The following NTN4 variants were observed in gnomAD, a reference collection of about 807,000 sequenced individuals.
NTN4 encodes the protein netrin 4.
NTN4 carries 32 observed loss-of-function variants against 73.6 expected under a neutral mutation model. The observed-to-expected ratio is 0.44, with a 90% CI of 0.33 to 0.58. The LOEUF is 0.58. Among genes scored for constraint, NTN4 ranks in the 20% least tolerant of loss-of-function variants. The pLI is 0.04. For missense variants in NTN4, 654 were observed against 798.3 expected, an observed-to-expected ratio of 0.82 and a Z score of 2.18; for synonymous variants, 258 against 287.5, an observed-to-expected ratio of 0.90 and a Z score of 1.04.
chr12:95,742,638 T>C (rs966753249), intron 2 of NTN4, among the ~76,000 whole-genome samples: 1 of 152,216 alleles, frequency 6.6e-6, no homozygotes, highest in Non-Finnish European at 1.5e-5. Flanking sequence ...TTCAAGGCCG[T>C]CCTGTGGACT....
chr12:95,718,035 G>T (rs1333344021), intron 3 of NTN4, among the ~76,000 whole-genome samples: 1 of 152,126 alleles, frequency 6.6e-6, no homozygotes, highest in Non-Finnish European at 1.5e-5. Context: ...TATCTTACAG[G>T]AAGGGACTCA....
intron 5 of NTN4, among the ~76,000 whole-genome samples, chr12:95,693,406 CTGTTA>C (rs2078416297): frequency 6.6e-6 from 1 of 151,788 alleles, no homozygotes; most frequent in Admixed American, 6.6e-5. Context: ...AGTTACTCTC[CTGTTA>C]TATGTTCCTT....
At chr12:95,723,948 T>C (rs1422498997) in intron 3 of NTN4, among the ~76,000 whole-genome samples, 1 of 152,230 alleles carries the variant, frequency 6.6e-6, no homozygotes, top group Non-Finnish European at 1.5e-5. Context: ...TATATATATA[T>C]GAGAGTCATG....
intron 2 of NTN4, among the ~76,000 whole-genome samples, chr12:95,762,781 G>A (rs956580198): frequency 6.6e-6 from 1 of 152,168 alleles, no homozygotes; most frequent in African/African-American, 2.4e-5. Context: ...AATTTTTCAG[G>A]ATGTTTAAGC....
intron 3 of NTN4, among the ~76,000 whole-genome samples, chr12:95,731,882 C>T (rs1044515845): frequency 4.6e-5 from 7 of 152,066 alleles, no homozygotes; most frequent in African/African-American, 7.2e-5. Context: ...GTCTCGGTTT[C>T]GCATCTGTGA....
At chr12:95,737,287 C>T (rs2078785273) in intron 3 of NTN4, among the ~76,000 whole-genome samples, 1 of 152,188 alleles carries the variant, frequency 6.6e-6, no homozygotes, top group South Asian at 2.1e-4. Flanking sequence ...AAAGATCATA[C>T]AGTTCCTCAG....
At chr12:95,684,624 G>A (rs2078347637) in intron 5 of NTN4, among the ~76,000 whole-genome samples, 2 of 151,770 alleles carry the variant, frequency 1.3e-5, no homozygotes, top group African/African-American at 4.8e-5. Flanking sequence ...TTTAATACTA[G>A]TCAAAAGTCC....
At chr12:95,735,890 TGA>T (rs1259987947) in intron 3 of NTN4, among the ~76,000 whole-genome samples, 4 of 149,662 alleles carry the variant, frequency 2.7e-5, no homozygotes, top group African/African-American at 9.8e-5. Context: ...TGCCTGCTCA[TGA>T]TTTTTTTTAA....
intron 5 of NTN4, among the ~76,000 whole-genome samples, chr12:95,688,920 G>A (rs530920572): frequency 1.3e-5 from 2 of 152,256 alleles, no homozygotes; most frequent in East Asian, 3.9e-4. Context: ...TGTGAGAACA[G>A]AAGCTGGAGA....
intron 2 of NTN4, among the ~76,000 whole-genome samples, chr12:95,754,300 C>G (rs2078931849): frequency 7.5e-6 from 1 of 134,028 alleles, no homozygotes. Flanking sequence ...AGCTTAATCT[C>G]TCCCACTCTA....
At chr12:95,695,483 G>C (rs1326168062) in intron 5 of NTN4, among the ~76,000 whole-genome samples, 4 of 152,054 alleles carry the variant, frequency 2.6e-5, no homozygotes, top group Non-Finnish European at 5.9e-5. Flanking sequence ...TCCTGCCTCA[G>C]CCTCCTGAGT....
intron 5 of NTN4, among the ~76,000 whole-genome samples, chr12:95,692,306 G>A (rs1447560187): frequency 2.6e-5 from 4 of 152,192 alleles, no homozygotes; most frequent in Non-Finnish European, 5.9e-5. Context: ...AAACTGCTGG[G>A]ATTACAGGCA....
chr12:95,685,039 T>G (rs2078350872), intron 5 of NTN4, among the ~76,000 whole-genome samples: 1 of 152,124 alleles, frequency 6.6e-6, no homozygotes, highest in South Asian at 2.1e-4. Context: ...CCAGCTAATT[T>G]TTGTATTTTT....
At chr12:95,750,260 A>C (rs1276221254) in intron 2 of NTN4, among the ~76,000 whole-genome samples, 3 of 115,390 alleles carry the variant, frequency 2.6e-5, no homozygotes, top group Admixed American at 1.0e-4. Context: ...CCCTTTTCCC[A>C]CTTTTCTGGA....
chr12:95,711,492 T>G (rs912509555), intron 4 of NTN4, among the ~76,000 whole-genome samples: 1 of 152,210 alleles, frequency 6.6e-6, no homozygotes, highest in Non-Finnish European at 1.5e-5. Flanking sequence ...ATATTGCAGA[T>G]GTAGGCATGA....
intron 3 of NTN4, among the ~76,000 whole-genome samples, chr12:95,731,501 G>C (rs1345226444): frequency 6.6e-6 from 1 of 152,186 alleles, no homozygotes; most frequent in African/African-American, 2.4e-5. Context: ...GGGAGGCAGA[G>C]GTTGCAGTGA....
In NTN4 at chr12:95,666,842, C is replaced by T. The variant is rs2078184248; in HGVS notation, c.1580-862G>A. Reference sequence around the variant, plus strand: ...TGCAAGCTGACTGGAGTTAGGGAAGCTGTCCCTTAATGGGTGTCCAACCTC... The same window carrying T: ...TGCAAGCTGACTGGAGTTAGGGAAGTTGTCCCTTAATGGGTGTCCAACCTC... On this transcript the variant is annotated intron_variant, in intron 8 of 9. Transcript: ENST00000343702. 2.6e-5 allele frequency among the ~76,000 whole-genome samples: 4 copies of T among 152,230 alleles called. No individual in the cohort carries two copies. In the South Asian group the frequency reaches 8.3e-4, roughly 32 times the overall value.
At chr12:95,773,161 G>A (rs2079069506) in intron 2 of NTN4, among the ~76,000 whole-genome samples, 1 of 151,896 alleles carries the variant, frequency 6.6e-6, no homozygotes, top group African/African-American at 2.4e-5. Context: ...CTGCCACCAC[G>A]CCCAGCTAAT....
At chr12:95,716,754 A>G (rs925229771) in intron 3 of NTN4, among the ~76,000 whole-genome samples, 3 of 152,098 alleles carry the variant, frequency 2.0e-5, no homozygotes, top group African/African-American at 7.2e-5. Flanking sequence ...TTACATCAGC[A>G]TGTTAATTCT....
Sources: allele counts gnomAD v4.1 joint callset (sites outside exome capture counted in the v4.1 genomes callset), GRCh38; gene constraint gnomAD v4.1.1; transcripts MANE v1.5; gene names NCBI Gene and HGNC (gene_info 2026-07-23, HGNC 2026-07-21).